Variants in PBX3 observed in about 807,000 individuals in gnomAD.
PBX3 encodes the protein pre-B-cell leukemia transcription factor 3.
PBX3 carries 14 observed loss-of-function variants against 48.5 expected under a neutral mutation model. The observed-to-expected ratio is 0.29, with a 90% CI of 0.19 to 0.45. The LOEUF is 0.45. Ranked by LOEUF, PBX3 falls within the 20% of genes least tolerant of loss-of-function variation. The pLI is 1.00. For synonymous variants in PBX3, 210 were observed against 200.3 expected, an observed-to-expected ratio of 1.05 and a Z score of -0.41; for missense variants, 386 against 546.7, an observed-to-expected ratio of 0.71 and a Z score of 2.93.
intron 2 of PBX3, among the ~76,000 whole-genome samples, chr9:125,816,612 G>A (rs1238483024): frequency 1.3e-5 from 2 of 152,192 alleles, no homozygotes; most frequent in Non-Finnish European, 2.9e-5. Flanking sequence ...ACTTGCCTGA[G>A]TAAGTTGCAG....
chr9:125,953,666 TA>T (rs1312934002), intron 5 of PBX3, among the ~76,000 whole-genome samples: 1 of 152,206 alleles, frequency 6.6e-6, no homozygotes, highest in African/African-American at 2.4e-5. Flanking sequence ...AATCTGAACT[TA>T]AAAGATTCTA....
intron 2 of PBX3, chr9:125,749,567 T>A (rs1434933000): frequency 6.6e-6 from 1 of 151,472 alleles, no homozygotes; most frequent in South Asian, 2.1e-4. Flanking sequence ...TTTCTTTTTT[T>A]TTTTTTTTTT....
intron 2 of PBX3, among the ~76,000 whole-genome samples, chr9:125,849,379 G>T (rs1839515947): frequency 6.6e-6 from 1 of 151,374 alleles, no homozygotes; most frequent in African/African-American, 2.4e-5. Flanking sequence ...AAAAAAAAAA[G>T]GAAGGATAAT....
At chr9:125,752,677 A>G (rs1210430604) in intron 2 of PBX3, among the ~76,000 whole-genome samples, 1 of 152,018 alleles carries the variant, frequency 6.6e-6, no homozygotes, top group African/African-American at 2.4e-5. Context: ...AATCTGTTAC[A>G]TTTTTCTTTG....
rs1363866648 is a variant in PBX3, at chr9:125,780,391, G to A, written c.274+31768G>A. On this transcript the variant is annotated intron_variant, in intron 2 of 8. Transcript: ENST00000373489. ...GCTGACCCCACCTCCCTCCCAGACG[G>A]GGCGGCTGGCCGGGCGGGGGGCTGA... Among the ~76,000 whole-genome samples the A allele has an allele frequency of 8.7e-3, 1,041 of 119,278 alleles. 6 individuals carry two copies. The highest frequency in any genetic ancestry group is 0.084 in the East Asian group (265 of 3,142). 78.3% of individuals were successfully genotyped at this position (119,278 alleles called of 152,430 possible).
chr9:125,748,518 A>T, intron 1 of PBX3, 32 bp from the exon 2 acceptor site: 1 of 1,609,364 alleles, frequency 6.2e-7, no homozygotes, highest in Non-Finnish European at 8.5e-7. Flanking sequence ...AGGTGATGCT[A>T]ATACCTTTGT....
At chr9:125,934,412 G>A (rs76260626) in intron 4 of PBX3, among the ~76,000 whole-genome samples, 5,743 of 152,126 alleles carry the variant, frequency 0.038, 377 homozygotes, top group African/African-American at 0.13. Flanking sequence ...ATCTGGGGAA[G>A]GTATTTTCTA....
At chr9:125,747,734 C>A (rs1836234361) in intron 1 of PBX3, 81 bp downstream of exon 1, 2 of 1,124,352 alleles carry the variant, frequency 1.8e-6, no homozygotes, top group Non-Finnish European at 2.4e-6. Flanking sequence ...GGGTGGCGCC[C>A]GGGGCTAGGG....
At chr9:125,794,963 A>T (rs1009785961) in intron 2 of PBX3, among the ~76,000 whole-genome samples, 4 of 152,296 alleles carry the variant, frequency 2.6e-5, no homozygotes, top group South Asian at 2.1e-4. Flanking sequence ...TGAATTCAGT[A>T]TTGATGCATT....
chr9:125,963,133 A>G (rs763380613), intron 8 of PBX3, 32 bp downstream of exon 8: 1 of 1,232,758 alleles, frequency 8.1e-7, no homozygotes, highest in Non-Finnish European at 1.2e-6. Flanking sequence ...CTGTAGGAGA[A>G]CAGTGTCAGG....
At chr9:125,812,860 T>C (rs1287234413) in intron 2 of PBX3, among the ~76,000 whole-genome samples, 1 of 152,174 alleles carries the variant, frequency 6.6e-6, no homozygotes, top group Non-Finnish European at 1.5e-5. Context: ...TATCTAAACA[T>C]AGAAAAGGTA....
intron 2 of PBX3, among the ~76,000 whole-genome samples, chr9:125,857,352 C>T (rs899054704): frequency 2.0e-5 from 3 of 152,070 alleles, no homozygotes; most frequent in Admixed American, 2.0e-4. Context: ...CATGTCAATA[C>T]ACAAGAAGTT....
chr9:125,923,394 A>G (rs900421709), intron 3 of PBX3, among the ~76,000 whole-genome samples: 8 of 152,218 alleles, frequency 5.3e-5, no homozygotes, highest in African/African-American at 1.9e-4. Context: ...GTTACGTGGC[A>G]TTAGAAACGC....
At chr9:125,938,747 T>C (rs966161526) in intron 5 of PBX3, among the ~76,000 whole-genome samples, 2 of 152,170 alleles carry the variant, frequency 1.3e-5, no homozygotes, top group East Asian at 1.9e-4. Flanking sequence ...GGACAAGTAA[T>C]TGCAATACTT....
At chr9:125,789,882 A>G (rs1210324909) in intron 2 of PBX3, among the ~76,000 whole-genome samples, 1 of 152,166 alleles carries the variant, frequency 6.6e-6, no homozygotes, top group Non-Finnish European at 1.5e-5. Context: ...TAAAATAGGA[A>G]TCAATATTGG....
chr9:125,834,827 C>T (rs1466831579), intron 2 of PBX3, among the ~76,000 whole-genome samples: 1 of 149,778 alleles, frequency 6.7e-6, no homozygotes, highest in Non-Finnish European at 1.5e-5. Context: ...ACCAGCCTGC[C>T]CAACATGGCG....
chr9:125,876,761 T>G (rs1348876989), intron 2 of PBX3, among the ~76,000 whole-genome samples: 1 of 151,884 alleles, frequency 6.6e-6, no homozygotes, highest in Non-Finnish European at 1.5e-5. Flanking sequence ...AAATCTTGTG[T>G]TGTTATCTTA....
At chr9:125,917,831 A>G (rs1841367621) in intron 3 of PBX3, among the ~76,000 whole-genome samples, 1 of 152,180 alleles carries the variant, frequency 6.6e-6, no homozygotes, top group African/African-American at 2.4e-5. Context: ...CTGAGATCTA[A>G]AATTGTATGT....
intron 2 of PBX3, among the ~76,000 whole-genome samples, chr9:125,806,623 T>C (rs1838133345): frequency 6.6e-6 from 1 of 152,186 alleles, no homozygotes; most frequent in South Asian, 2.1e-4. Context: ...CTGTTAATAC[T>C]GTTGCTTTGT....
Sources: allele counts gnomAD v4.1 joint callset (sites outside exome capture counted in the v4.1 genomes callset), GRCh38; gene constraint gnomAD v4.1.1; transcripts MANE v1.5; gene names NCBI Gene and HGNC (gene_info 2026-07-23, HGNC 2026-07-21).